CRYBG1: variants seen among roughly 807,000 people sequenced by gnomAD.
The protein encoded by CRYBG1 is beta/gamma crystallin domain-containing protein 1.
Under a neutral mutation model 189.2 loss-of-function variants are expected in CRYBG1, and 139 were observed. That is an observed-to-expected ratio of 0.73 (90% CI 0.64 to 0.85). The LOEUF is 0.85. CRYBG1 is among the 40% of genes least tolerant of loss of function. CRYBG1 has a pLI of 0.00. For missense variants in CRYBG1, 2,611 were observed against 2,675.8 expected (o/e 0.98, Z 0.53); for synonymous variants, 1,023 against 1,017.1 (o/e 1.01, Z -0.11).
chr6:106,570,163 G>A lies in CRYBG1; in HGVS notation c.*1597G>A, dbSNP rs1225592043. On this transcript the variant is annotated 3_prime_UTR_variant, in exon 22 of 22. Coordinates refer to ENST00000633556, the MANE Select transcript of CRYBG1 (RefSeq NM_001371242.2). Reference sequence around the variant, plus strand: ...CTCAATACTGGTGCTCTTGTCACAGGTAGAACAGCTTGTTTCTTTTCCATC... The same window carrying A: ...CTCAATACTGGTGCTCTTGTCACAGATAGAACAGCTTGTTTCTTTTCCATC... The A allele has an allele frequency of 1.3e-5, 2 of 152,142 alleles. No homozygotes were observed. Among genetic ancestry groups the A allele is most frequent in the African/African-American group, 4.8e-5 (2 of 41,410 alleles). 9.4% of individuals were successfully genotyped at this position (152,142 alleles called of 1,614,324 possible). A position where few individuals can be genotyped will look rare whatever the true frequency, so the allele number is the denominator to read the frequency against.
chr6:106,442,972 T>G (rs2114424089), intron 1 of CRYBG1, among the ~76,000 whole-genome samples: 1 of 152,324 alleles, frequency 6.6e-6, no homozygotes, highest in East Asian at 1.9e-4. Flanking sequence ...CTGTTGGTTT[T>G]CAAACCAGAC....
intron 2 of CRYBG1, among the ~76,000 whole-genome samples, chr6:106,483,933 T>C (rs1388958575): frequency 6.6e-6 from 1 of 152,232 alleles, no homozygotes; most frequent in Non-Finnish European, 1.5e-5. Flanking sequence ...CCCAGCCTGA[T>C]GTAAAGCATT....
chr6:106,422,344 A>ATTTATTTATTTATTT (rs57640822), intron 1 of CRYBG1, among the ~76,000 whole-genome samples: 6 of 139,926 alleles, frequency 4.3e-5, no homozygotes, highest in African/African-American at 1.6e-4. Flanking sequence ...TTATTTATTT[A>ATTTATTTATTTATTT]TTTTTGAGAC....
At chr6:106,546,554 T>C (rs1774269369) in intron 13 of CRYBG1, among the ~76,000 whole-genome samples, 1 of 152,220 alleles carries the variant, frequency 6.6e-6, no homozygotes, top group Non-Finnish European at 1.5e-5. Context: ...AAAAAAACCT[T>C]GTTCAACAAG....
At chr6:106,565,099 C>G (rs1037628339) in intron 21 of CRYBG1, among the ~76,000 whole-genome samples, 13 of 152,072 alleles carry the variant, frequency 8.5e-5, no homozygotes, top group African/African-American at 2.9e-4. Context: ...GTGGGTGGAT[C>G]ACGAGGTCAG....
chr6:106,412,329 C>T (rs1225981791), intron 1 of CRYBG1, among the ~76,000 whole-genome samples: 1 of 152,194 alleles, frequency 6.6e-6, no homozygotes, highest in African/African-American at 2.4e-5. Flanking sequence ...TCTTCTTTTG[C>T]CACTTTAAAA....
Position 106,512,019 on chromosome 6 carries a change from C to A in CRYBG1, c.902C>A (p.Thr301Asn), listed in dbSNP as rs1006582975. 3.3e-6 allele frequency: 5 copies of A among 1,529,722 alleles called. No individual in the cohort carries two copies. Among genetic ancestry groups the A allele is most frequent in the Non-Finnish European group, 4.4e-6 (5 of 1,143,546 alleles). The allele number at this position is 1,529,722 out of a possible 1,614,324, so 94.8% of individuals were successfully genotyped here. A position where few individuals can be genotyped will look rare whatever the true frequency, so the allele number is the denominator to read the frequency against. ...LGVRGAPGSP[T>N]QERPAGGLGE... ...GTGAGGGGTGCGCCAGGGTCGCCCA[C>A]CCAGGAGCGGCCCGCGGGAGGACTA... is the stretch of plus-strand genomic sequence containing the variant. The change falls in exon 3 of 22, where the codon ACC (threonine) becomes AAC (asparagine). Residue 301 changes from threonine (T) to asparagine (N), a missense_variant. This residue lies in a region of CRYBG1 where 985 missense variants were observed against 924.4 expected (regional missense o/e 1.07). Transcript: ENST00000633556.
intron 3 of CRYBG1, among the ~76,000 whole-genome samples, chr6:106,515,779 T>G (rs998172321): frequency 1.4e-5 from 2 of 142,526 alleles, no homozygotes; most frequent in African/African-American, 5.9e-5. Flanking sequence ...ATTTATTTAT[T>G]TATTTATTTA....
rs1771786113 is a variant in CRYBG1, at chr6:106,451,785, A to T, written c.265A>T (p.Ser89Cys). The T allele has an allele frequency of 6.5e-7, 1 of 1,535,040 alleles. No homozygotes were observed. Among genetic ancestry groups the T allele is most frequent in the Non-Finnish European group, 8.7e-7 (1 of 1,146,562 alleles). ...CGESQFFHTTSEALGSLLLES... is the reference protein window; with the variant it reads ...CGESQFFHTTCEALGSLLLES... ...GGAATCCCAGTTCTTCCACACCACC[A>T]GTGAGGCGCTTGGTTCCTTACTTCT... Residue 89 changes from serine to cysteine, a missense_variant, in exon 2 of 22, where the codon AGT becomes TGT. Coordinates refer to ENST00000633556, the MANE Select transcript of CRYBG1 (RefSeq NM_001371242.2).
intron 1 of CRYBG1, among the ~76,000 whole-genome samples, chr6:106,434,096 T>C (rs1463703636): frequency 6.6e-6 from 1 of 151,688 alleles, no homozygotes; most frequent in Non-Finnish European, 1.5e-5. Context: ...TCAGAAGGCC[T>C]CAGTTCCTCA....
chr6:106,517,363 C>CCT (rs1773454189), intron 3 of CRYBG1, among the ~76,000 whole-genome samples: 1 of 69,988 alleles, frequency 1.4e-5, no homozygotes, highest in African/African-American at 5.5e-5. Flanking sequence ...TATATATACA[C>CCT]ATATATACAC....
chr6:106,434,824 A>G (rs1426976405), intron 1 of CRYBG1, among the ~76,000 whole-genome samples: 1 of 152,246 alleles, frequency 6.6e-6, no homozygotes, highest in African/African-American at 2.4e-5. Context: ...GAAAAACTAG[A>G]GAATAATAAA....
At chr6:106,378,207 A>G (rs1432337457) in intron 1 of CRYBG1, among the ~76,000 whole-genome samples, 1 of 152,202 alleles carries the variant, frequency 6.6e-6, no homozygotes, top group Non-Finnish European at 1.5e-5. Flanking sequence ...CCCACAGGTG[A>G]GTAGACAAAG....
chr6:106,517,435 C>CACATATATATAT lies in CRYBG1; in HGVS notation c.1923-1693_1923-1692insTATATATATACA, dbSNP rs1554188251. ...ACATATATACACATATATATACACA[C>CACATATATATAT]ACACATATATATACACACATATATA... On this transcript the variant is annotated intron_variant, in intron 3 of 21. Transcript: ENST00000633556. Among the ~76,000 whole-genome samples the CACATATATATAT allele has an allele frequency of 6.5e-4, 81 of 124,350 alleles. 1 individual carries two copies. The highest frequency in any genetic ancestry group is 2.6e-3 in the African/African-American group (76 of 29,168). The allele number at this position is 124,350 out of a possible 152,430, so 81.6% of individuals were successfully genotyped here. A position where few individuals can be genotyped will look rare whatever the true frequency, so the allele number is the denominator to read the frequency against.
intron 8 of CRYBG1, among the ~76,000 whole-genome samples, chr6:106,531,997 G>C: frequency 6.6e-6 from 1 of 152,200 alleles, no homozygotes; most frequent in Non-Finnish European, 1.5e-5. Context: ...ATTTTCCAAG[G>C]ATAGTATACA....
intron 1 of CRYBG1, among the ~76,000 whole-genome samples, chr6:106,430,841 G>T (rs1286324074): frequency 6.6e-6 from 1 of 152,018 alleles, no homozygotes; most frequent in Admixed American, 6.6e-5. Flanking sequence ...ACAGAGAGGG[G>T]GCAATTGTCG....
intron 9 of CRYBG1, chr6:106,541,085 G>A (rs1239615542): frequency 9.1e-6 from 3 of 328,114 alleles, no homozygotes; most frequent in African/African-American, 2.2e-5. Flanking sequence ...GTAAGCCCTG[G>A]TTGCAAAATC....
Position 106,521,388 on chromosome 6 carries a change from CT to C in CRYBG1, c.4184del (p.Phe1395SerfsTer21). The C allele has an allele frequency of 6.2e-7, 1 of 1,612,024 alleles. No homozygotes were observed. The highest frequency in any genetic ancestry group is 8.5e-7 in the Non-Finnish European group (1 of 1,179,460). On this transcript the variant is annotated frameshift_variant, in exon 4 of 22. Coordinates refer to ENST00000633556, the MANE Select transcript of CRYBG1 (RefSeq NM_001371242.2). LOFTEE classifies it high-confidence loss of function. Reference protein sequence around the residue: ...CANSDTDFMGLFKSSRYDPSI... With the variant: ...CANSDTDFMGXFKSSRYDPSI... Reference sequence around the variant, plus strand: ...AAACAGTGACACCGACTTCATGGGTCTTTTCAAATCAAGCCGGTATGACCCA... The same window carrying C: ...AAACAGTGACACCGACTTCATGGGTCTTTCAAATCAAGCCGGTATGACCCA...
rs114836171 is a variant in CRYBG1 at position 106,447,024 on chromosome 6, C to T, written c.174-4670C>T. On this transcript the variant is annotated intron_variant, in intron 1 of 21. Transcript: ENST00000633556. ...GTAAAATCAAGTACCATACTTAACA[C>T]TGAAACTTTCACTCTGGCAGTATAA... 9.0e-3 allele frequency among the ~76,000 whole-genome samples: 1,378 copies of T among 152,288 alleles called. 19 individuals carry two copies. The highest frequency in any genetic ancestry group is 0.031 in the African/African-American group (1,281 of 41,534).
Sources: allele counts gnomAD v4.1 joint callset (sites outside exome capture counted in the v4.1 genomes callset), GRCh38; gene constraint gnomAD v4.1.1; regional missense constraint gnomAD v4.1.1; transcripts MANE v1.5; gene names NCBI Gene and HGNC (gene_info 2026-07-23, HGNC 2026-07-21).